The following PCDH7 variants were observed in gnomAD, a reference collection of about 807,000 sequenced individuals.
PCDH7 encodes protocadherin-7.
Under a neutral mutation model 58.9 loss-of-function variants are expected in PCDH7, and 17 were observed. That is an observed-to-expected ratio of 0.29 (90% CI 0.20 to 0.43). The LOEUF is 0.43. Ranked by LOEUF, PCDH7 falls within the 20% of genes least tolerant of loss-of-function variation. The pLI, the probability that PCDH7 is intolerant of heterozygous loss-of-function variation, is 1.00. For missense variants in PCDH7, 1,274 were observed against 1,441.0 expected, an observed-to-expected ratio of 0.88 and a Z score of 1.88; for synonymous variants, 664 against 616.4, an observed-to-expected ratio of 1.08 and a Z score of -1.14.
chr4:31,006,151 A>G (rs1291382250), intron 3 of PCDH7, among the ~76,000 whole-genome samples: 2 of 152,216 alleles, frequency 1.3e-5, no homozygotes, highest in Non-Finnish European at 2.9e-5. Context: ...ATCAAATGTC[A>G]TTGATTGGTT....
At chr4:30,957,540 A>C (rs377472328) in intron 3 of PCDH7, among the ~76,000 whole-genome samples, 45 of 152,248 alleles carry the variant, frequency 3.0e-4, no homozygotes, top group Admixed American at 5.9e-4. Flanking sequence ...AGTTTTACTG[A>C]TCTTTCTCTA....
chr4:31,042,561 C>T (rs539178478), intron 3 of PCDH7, among the ~76,000 whole-genome samples: 2 of 151,906 alleles, frequency 1.3e-5, no homozygotes, highest in African/African-American at 4.8e-5. Flanking sequence ...TAAGTTAACT[C>T]CTAACTTAGT....
chr4:31,032,886 G>A (rs1412708454), intron 3 of PCDH7, among the ~76,000 whole-genome samples: 1 of 152,144 alleles, frequency 6.6e-6, no homozygotes, highest in African/African-American at 2.4e-5. Context: ...TGGACAGTTA[G>A]GGAATAAGGA....
chr4:30,973,641 G>C (rs1749794950), intron 3 of PCDH7, among the ~76,000 whole-genome samples: 2 of 152,098 alleles, frequency 1.3e-5, no homozygotes, highest in Non-Finnish European at 2.9e-5. Flanking sequence ...GGTAAATACA[G>C]AATAAAACTC....
chr4:30,756,038 C>T lies in PCDH7; in HGVS notation c.70+31442C>T, dbSNP rs528193555. On this transcript the variant is annotated intron_variant, in intron 1 of 3. Coordinates refer to the PCDH7 transcript ENST00000509759. ...AGGTTGCAGTGAGCCGATATCGCAC[C>T]ACTGCACTCCAGCCTGGTGACAGAG... Among the ~76,000 whole-genome samples, 21 of 152,220 alleles carry T rather than the reference C, an allele frequency of 1.4e-4. No individual in the cohort carries two copies. In the East Asian group the frequency reaches 3.7e-3, roughly 27 times the overall value.
chr4:30,842,039 T>G (rs1485453147), intron 1 of PCDH7, among the ~76,000 whole-genome samples: 2 of 152,026 alleles, frequency 1.3e-5, no homozygotes, highest in Non-Finnish European at 2.9e-5. Context: ...AGACCGTTGG[T>G]CCCATGAGCT....
At chr4:30,772,545 G>A (rs1721553055) in intron 1 of PCDH7, among the ~76,000 whole-genome samples, 2 of 152,170 alleles carry the variant, frequency 1.3e-5, no homozygotes, top group South Asian at 2.1e-4. Context: ...CAAATGCCAG[G>A]GAGAGAAACT....
intron 3 of PCDH7, among the ~76,000 whole-genome samples, chr4:31,054,760 T>C (rs1757013950): frequency 6.6e-6 from 1 of 152,198 alleles, no homozygotes; most frequent in African/African-American, 2.4e-5. Context: ...TGTGCTAATA[T>C]CTGGTCTAGT....
chr4:30,979,130 T>A (rs1750327900), intron 3 of PCDH7, among the ~76,000 whole-genome samples: 1 of 151,666 alleles, frequency 6.6e-6, no homozygotes, highest in South Asian at 2.1e-4. Context: ...ATCGAGACCA[T>A]CCTGGCTAAC....
At chr4:31,017,646 A>C (rs1485441462) in intron 3 of PCDH7, among the ~76,000 whole-genome samples, 1 of 152,154 alleles carries the variant, frequency 6.6e-6, no homozygotes, top group Non-Finnish European at 1.5e-5. Flanking sequence ...CCAAAAAGCA[A>C]CAATAATGAT....
chr4:30,780,622 GA>G (rs1221323255), intron 1 of PCDH7, among the ~76,000 whole-genome samples: 1 of 152,004 alleles, frequency 6.6e-6, no homozygotes, highest in Non-Finnish European at 1.5e-5. Context: ...GGCTCTTCTA[GA>G]GCACCAATCT....
intron 1 of PCDH7, among the ~76,000 whole-genome samples, chr4:30,810,432 CT>C (rs34834630): frequency 0.67 from 99,644 of 149,372 alleles, 34,868 homozygotes; most frequent in African/African-American, 0.91. Context: ...CATTTTTTAG[CT>C]TTTTTTTTTG....
At chr4:31,142,514 A>T in exon 4 of PCDH7, 1 of 1,367,670 alleles carries the variant, frequency 7.3e-7, no homozygotes, top group Non-Finnish European at 9.8e-7. Flanking sequence ...TGGGAAGTGC[A>T]CTCGTGAGTG....
chr4:31,129,300 C>T (rs1454151198), intron 3 of PCDH7, among the ~76,000 whole-genome samples: 2 of 152,162 alleles, frequency 1.3e-5, no homozygotes, highest in East Asian at 3.8e-4. Flanking sequence ...ATTCCACAGG[C>T]TATCCAGAAG....
At position 31,059,221 on chromosome 4, in the gene PCDH7, G is replaced by A. The variant is rs528257318; in HGVS notation, c.*8-83252G>A. Among the ~76,000 whole-genome samples the A allele has an allele frequency of 5.3e-5, 8 of 151,884 alleles. No homozygotes were observed. In the East Asian group the frequency reaches 1.4e-3, roughly 26 times the overall value. ...ACTTGAAATGACAACCAATTTTGAA[G>A]CAAATCTTTATTCTGAGGAGAAATG... On this transcript the variant is annotated intron_variant, in intron 3 of 3. Transcript: ENST00000509759.
At chr4:31,073,633 T>C (rs1758740541) in intron 3 of PCDH7, among the ~76,000 whole-genome samples, 1 of 152,188 alleles carries the variant, frequency 6.6e-6, no homozygotes, top group East Asian at 1.9e-4. Flanking sequence ...ATGTCATATA[T>C]AATAGTAGTT....
At chr4:30,833,766 A>G (rs960277549) in intron 1 of PCDH7, among the ~76,000 whole-genome samples, 1 of 152,218 alleles carries the variant, frequency 6.6e-6, no homozygotes, top group African/African-American at 2.4e-5. Flanking sequence ...GAATCGCTTA[A>G]GAAACTGCGT....
chr4:31,110,523 G>A (rs1373901707), intron 3 of PCDH7, among the ~76,000 whole-genome samples: 4 of 152,100 alleles, frequency 2.6e-5, no homozygotes, highest in Non-Finnish European at 5.9e-5. Flanking sequence ...AAAACTAGTT[G>A]TTTATCTCTC....
At chr4:31,125,920 T>C (rs1224393760) in intron 3 of PCDH7, among the ~76,000 whole-genome samples, 1 of 152,166 alleles carries the variant, frequency 6.6e-6, no homozygotes, top group Non-Finnish European at 1.5e-5. Context: ...CATTTATGTC[T>C]TGTGGATCAA....
Sources: allele counts gnomAD v4.1 joint callset (sites outside exome capture counted in the v4.1 genomes callset), GRCh38; gene constraint gnomAD v4.1.1; transcripts MANE v1.5; gene names NCBI Gene and HGNC (gene_info 2026-07-23, HGNC 2026-07-21).